The following ADK variants were observed in gnomAD, a reference collection of about 807,000 sequenced individuals.
ADK encodes the protein adenosine kinase, also known as N6,N6-dimethyladenosine kinase.
Under a neutral mutation model 44.7 loss-of-function variants are expected in ADK, and 24 were observed. That is an observed-to-expected ratio of 0.54 (90% CI 0.39 to 0.76). The LOEUF (loss-of-function observed/expected upper bound fraction) is 0.76. Ranked by LOEUF, ADK falls within the 30% of genes least tolerant of loss-of-function variation. ADK has a pLI of 0.00. For synonymous variants in ADK, 128 were observed against 142.6 expected (o/e 0.90, Z 0.73); for missense variants, 321 against 425.1 (o/e 0.76, Z 2.15).
At chr10:74,621,549 T>G (rs1852993821) in intron 9 of ADK, among the ~76,000 whole-genome samples, 1 of 152,180 alleles carries the variant, frequency 6.6e-6, no homozygotes. Context: ...TTTTTACCAT[T>G]TAGGGTCTTT....
rs538843363 is a variant in ADK at position 74,288,218 on chromosome 10, T to C, written c.195-26449T>C. Among the ~76,000 whole-genome samples, 12 of 152,224 alleles carry C rather than the reference T, an allele frequency of 7.9e-5. 1 individual carries two copies. Among genetic ancestry groups the C allele is most frequent in the African/African-American group, 1.9e-4 (8 of 41,526 alleles). ...GGGAGGGAACATATAAAATTCAATA[T>C]TCAAATTGTTACATCAACTTGAAGT... On this transcript the variant is annotated intron_variant, in intron 3 of 10. Coordinates refer to ENST00000539909, the MANE Select transcript of ADK (RefSeq NM_006721.4).
At chr10:74,345,445 T>A (rs2131887226) in intron 4 of ADK, among the ~76,000 whole-genome samples, 1 of 152,208 alleles carries the variant, frequency 6.6e-6, no homozygotes, top group South Asian at 2.1e-4. Context: ...GTAGCTGGGA[T>A]TACAGGTGCA....
chr10:74,279,922 G>A lies in ADK; in HGVS notation c.195-34745G>A, dbSNP rs192798372. On this transcript the variant is annotated intron_variant, in intron 3 of 10. Transcript: ENST00000539909. ...ATGTACTTGTAGTCCCAGCTATTCA[G>A]AAGGCTCAGGGAGGAGGATCACTTG... Among the ~76,000 whole-genome samples, 118 of 152,176 alleles carry A rather than the reference G, an allele frequency of 7.8e-4. No homozygotes were observed. In the Middle Eastern group the frequency reaches 0.01, roughly 13 times the overall value.
At chr10:74,672,002 G>A (rs1855206248) in intron 10 of ADK, among the ~76,000 whole-genome samples, 1 of 152,102 alleles carries the variant, frequency 6.6e-6, no homozygotes. Flanking sequence ...GCCATTCTTA[G>A]GATACTGAGG....
chr10:74,658,213 CTATAATAT>C (rs1854564100), intron 9 of ADK, among the ~76,000 whole-genome samples: 1 of 152,114 alleles, frequency 6.6e-6, no homozygotes, highest in Non-Finnish European at 1.5e-5. Flanking sequence ...TATTGAGCCC[CTATAATAT>C]ACCAGGCATA....
chr10:74,273,298 A>G (rs1017961850), intron 3 of ADK, among the ~76,000 whole-genome samples: 2 of 152,078 alleles, frequency 1.3e-5, no homozygotes, highest in Non-Finnish European at 2.9e-5. Context: ...CAAGCAAGAC[A>G]TGTTTAAAGG....
At chr10:74,312,232 A>G (rs1406227124) in intron 3 of ADK, among the ~76,000 whole-genome samples, 1 of 152,166 alleles carries the variant, frequency 6.6e-6, no homozygotes, top group Non-Finnish European at 1.5e-5. Flanking sequence ...ATGGAGTGCA[A>G]AAAACCAAGA....
At chr10:74,222,388 T>C (rs1470487863) in intron 2 of ADK, among the ~76,000 whole-genome samples, 1 of 151,228 alleles carries the variant, frequency 6.6e-6, no homozygotes, top group Non-Finnish European at 1.5e-5. Flanking sequence ...TGTGGAGAAA[T>C]AGGAACACTT....
chr10:74,354,958 G>A (rs1316142217), intron 4 of ADK, among the ~76,000 whole-genome samples: 6 of 152,126 alleles, frequency 3.9e-5, no homozygotes, highest in Non-Finnish European at 8.8e-5. Flanking sequence ...AGTACAGTGT[G>A]GTATATCAGT....
intron 7 of ADK, among the ~76,000 whole-genome samples, chr10:74,543,394 A>G (rs973139863): frequency 3.3e-5 from 5 of 152,144 alleles, no homozygotes; most frequent in African/African-American, 9.7e-5. Context: ...TGAATGTACC[A>G]TATTTTACCC....
intron 2 of ADK, among the ~76,000 whole-genome samples, chr10:74,218,114 A>C (rs1430593395): frequency 1.3e-5 from 2 of 152,180 alleles, no homozygotes; most frequent in African/African-American, 4.8e-5. Flanking sequence ...GAAGTTAAAA[A>C]CTTTGAAAAA....
At chr10:74,684,179 A>T (rs922156297) in intron 10 of ADK, among the ~76,000 whole-genome samples, 4 of 152,222 alleles carry the variant, frequency 2.6e-5, no homozygotes, top group Non-Finnish European at 4.4e-5. Context: ...TCAGTTAACC[A>T]CTTGGGAGTT....
At chr10:74,442,618 C>T (rs1187595953) in intron 6 of ADK, among the ~76,000 whole-genome samples, 1 of 152,070 alleles carries the variant, frequency 6.6e-6, no homozygotes, top group African/African-American at 2.4e-5. Flanking sequence ...TGCACTCCAG[C>T]CTGGGCGACA....
intron 3 of ADK, among the ~76,000 whole-genome samples, chr10:74,287,110 T>C (rs558765316): frequency 1.3e-5 from 2 of 152,244 alleles, no homozygotes; most frequent in South Asian, 4.1e-4. Flanking sequence ...ATCCTGAAGT[T>C]CAAGATAGCA....
intron 9 of ADK, among the ~76,000 whole-genome samples, chr10:74,653,306 G>A (rs928507911): frequency 6.6e-6 from 1 of 152,072 alleles, no homozygotes; most frequent in Non-Finnish European, 1.5e-5. Context: ...ACAAAAACTA[G>A]TTGGGCTTGG....
intron 9 of ADK, among the ~76,000 whole-genome samples, chr10:74,631,071 T>C (rs1251498137): frequency 6.6e-6 from 1 of 152,084 alleles, no homozygotes; most frequent in Non-Finnish European, 1.5e-5. Flanking sequence ...AGTTATTTTC[T>C]GACTTCCTTA....
intron 6 of ADK, among the ~76,000 whole-genome samples, chr10:74,480,881 A>G (rs1211868385): frequency 2.6e-5 from 4 of 152,138 alleles, no homozygotes; most frequent in Non-Finnish European, 5.9e-5. Context: ...CTTAGACTAT[A>G]TTTTAAATAT....
At chr10:74,570,151 G>C (rs1850889666) in intron 7 of ADK, among the ~76,000 whole-genome samples, 1 of 151,940 alleles carries the variant, frequency 6.6e-6, no homozygotes, top group South Asian at 2.1e-4. Flanking sequence ...TTTGGTACCA[G>C]TACCATGCTG....
At chr10:74,351,140 G>T (rs1166583364) in intron 4 of ADK, among the ~76,000 whole-genome samples, 2 of 152,114 alleles carry the variant, frequency 1.3e-5, no homozygotes, top group Non-Finnish European at 2.9e-5. Context: ...GAAAATTTCA[G>T]GCCAATATCC....
Sources: allele counts gnomAD v4.1 joint callset (sites outside exome capture counted in the v4.1 genomes callset), GRCh38; gene constraint gnomAD v4.1.1; transcripts MANE v1.5; gene names NCBI Gene and HGNC (gene_info 2026-07-23, HGNC 2026-07-21).